Variants in MEGF11 observed in about 807,000 individuals in gnomAD.
The protein encoded by MEGF11 is multiple epidermal growth factor-like domains protein 11.
In MEGF11, 126 loss-of-function variants were observed where a neutral mutation model predicts 146.6. The observed-to-expected ratio is 0.86, with a 90% confidence interval of 0.74 to 1.00. MEGF11 has a LOEUF of 1.00. Ranked by LOEUF, MEGF11 falls within the 50% of genes least tolerant of loss-of-function variation. The probability of loss-of-function intolerance (pLI) is 0.00; values close to 1 mark genes in which losing one functional copy is unlikely to be tolerated. For missense variants in MEGF11, 1,509 were observed against 1,521.2 expected (o/e 0.99, Z 0.13); for synonymous variants, 532 against 583.4 (o/e 0.91, Z 1.27).
chr15:66,077,309 G>A (rs947769951), intron 5 of MEGF11, among the ~76,000 whole-genome samples: 1 of 152,156 alleles, frequency 6.6e-6, no homozygotes, highest in Non-Finnish European at 1.5e-5. Flanking sequence ...TTTGAGCTCT[G>A]CTTCTACCAT....
At chr15:66,010,341 C>T (rs370931391) in intron 5 of MEGF11, among the ~76,000 whole-genome samples, 24 of 152,086 alleles carry the variant, frequency 1.6e-4, no homozygotes, top group East Asian at 1.5e-3. Context: ...TACAGATGTG[C>T]ACCACCATGC....
chr15:66,142,348 T>G (rs2089200648), intron 1 of MEGF11, among the ~76,000 whole-genome samples: 1 of 152,144 alleles, frequency 6.6e-6, no homozygotes, highest in East Asian at 1.9e-4. Context: ...TGGCAACATC[T>G]TTGCATCAAA....
At chr15:66,246,595 G>C (rs532416162) in intron 1 of MEGF11, among the ~76,000 whole-genome samples, 1 of 152,016 alleles carries the variant, frequency 6.6e-6, no homozygotes, top group Admixed American at 6.5e-5. Context: ...TTGAGCCCAG[G>C]AGTTCAGGAC....
intron 5 of MEGF11, among the ~76,000 whole-genome samples, chr15:66,070,019 G>A (rs1416386994): frequency 6.6e-6 from 1 of 152,190 alleles, no homozygotes; most frequent in Non-Finnish European, 1.5e-5. Flanking sequence ...TAATTAGGGC[G>A]TGGCCTAGGC....
chr15:66,110,097 C>G (rs2087314052), intron 4 of MEGF11, among the ~76,000 whole-genome samples: 1 of 152,154 alleles, frequency 6.6e-6, no homozygotes, highest in African/African-American at 2.4e-5. Flanking sequence ...GGCTCCCAAA[C>G]AGGCGGAGTT....
chr15:66,187,765 G>T (rs1016291968), intron 1 of MEGF11, among the ~76,000 whole-genome samples: 5 of 148,094 alleles, frequency 3.4e-5, no homozygotes, highest in Admixed American at 6.6e-5. Context: ...TTCCATGTAC[G>T]ATTCCAGCAT....
At chr15:66,138,149 C>T (rs2140994950) in intron 1 of MEGF11, among the ~76,000 whole-genome samples, 1 of 152,272 alleles carries the variant, frequency 6.6e-6, no homozygotes, top group Non-Finnish European at 1.5e-5. Flanking sequence ...CACAGCTTAC[C>T]CTCCTCCAGG....
At chr15:66,086,696 A>C (rs1356366766) in intron 5 of MEGF11, among the ~76,000 whole-genome samples, 1 of 152,258 alleles carries the variant, frequency 6.6e-6, no homozygotes, top group Admixed American at 6.5e-5. Flanking sequence ...GAAACACATC[A>C]AAACAGAATC....
chr15:66,020,013 C>T (rs1417143559), intron 5 of MEGF11, among the ~76,000 whole-genome samples: 2 of 152,200 alleles, frequency 1.3e-5, no homozygotes, highest in Non-Finnish European at 2.9e-5. Flanking sequence ...TGGAGCTAAA[C>T]CGGGGAGGGG....
chr15:66,004,506 T>C (rs2082463194), intron 5 of MEGF11, among the ~76,000 whole-genome samples: 1 of 152,190 alleles, frequency 6.6e-6, no homozygotes, highest in South Asian at 2.1e-4. Context: ...GTGTTTTTCA[T>C]GTTATTTTCT....
chr15:66,172,040 G>T (rs955186346), intron 1 of MEGF11, among the ~76,000 whole-genome samples: 28 of 152,180 alleles, frequency 1.8e-4, no homozygotes, highest in African/African-American at 6.5e-4. Flanking sequence ...CTGCAGGATG[G>T]GAGGCCTAAT....
At chr15:66,124,046 G>A (rs2088201154) in intron 2 of MEGF11, 46 bp from the exon 3 acceptor site, 1 of 1,481,644 alleles carries the variant, frequency 6.7e-7, no homozygotes. Context: ...CACTTGGGAA[G>A]CTGAGCTGAT....
intron 1 of MEGF11, among the ~76,000 whole-genome samples, chr15:66,228,550 C>T (rs1237919889): frequency 1.3e-5 from 2 of 152,174 alleles, no homozygotes; most frequent in African/African-American, 2.4e-5. Flanking sequence ...AGGGCACGAG[C>T]TCTTGGGCCC....
At chr15:66,222,550 C>T (rs974060126) in intron 1 of MEGF11, among the ~76,000 whole-genome samples, 2 of 152,184 alleles carry the variant, frequency 1.3e-5, no homozygotes, top group Non-Finnish European at 2.9e-5. Flanking sequence ...AATTAAGGAG[C>T]TATAAGCTTC....
At position 66,233,778 on chromosome 15, in the gene MEGF11, T is replaced by C. The variant is rs552842463; in HGVS notation, c.-9+19827A>G. On this transcript the variant is annotated intron_variant, in intron 1 of 25. Transcript: ENST00000395614. ...ATGGTAGTCCCTTTCATCATGCTAG[T>C]GACTGGTTTAGGAAGGAGCATGTGA... Among the ~76,000 whole-genome samples the C allele has an allele frequency of 4.5e-4, 68 of 152,212 alleles. No homozygotes were observed. The South Asian group carries it at 5.2e-3, about 12-fold the overall frequency.
intron 5 of MEGF11, among the ~76,000 whole-genome samples, chr15:66,044,792 G>A (rs2140313515): frequency 6.7e-6 from 1 of 149,974 alleles, no homozygotes; most frequent in South Asian, 2.1e-4. Flanking sequence ...GTTGGAGGCT[G>A]CAGTGAGCTA....
At chr15:66,106,406 C>T (rs888384981) in intron 4 of MEGF11, among the ~76,000 whole-genome samples, 7 of 152,184 alleles carry the variant, frequency 4.6e-5, no homozygotes, top group African/African-American at 1.7e-4. Context: ...ACCCAGCTCT[C>T]AATATACATG....
At chr15:65,935,192 C>T (rs2079727130) in intron 10 of MEGF11, among the ~76,000 whole-genome samples, 2 of 151,890 alleles carry the variant, frequency 1.3e-5, no homozygotes, top group South Asian at 2.1e-4. Flanking sequence ...TGGTGGTGCA[C>T]ACCTGTAGTC....
intron 2 of MEGF11, among the ~76,000 whole-genome samples, chr15:66,126,901 A>T (rs1597109122): frequency 1.3e-5 from 2 of 152,356 alleles, no homozygotes. Flanking sequence ...TTGAATCAGC[A>T]TCTCCGGGAT....
Sources: gnomAD v4.1 joint callset for allele counts (sites outside exome capture counted in the v4.1 genomes callset) on GRCh38, gnomAD v4.1.1 for gene constraint, MANE v1.5 for transcripts, NCBI Gene and HGNC (gene_info 2026-07-23, HGNC 2026-07-21) for gene names.